PIGN: variants seen among roughly 807,000 people sequenced by gnomAD.
PIGN encodes phosphatidylinositol glycan anchor biosynthesis class N.
A neutral mutation model predicts 125.4 loss-of-function variants in PIGN; 117 were observed. That is an observed-to-expected ratio of 0.93 (90% CI 0.80 to 1.09). PIGN has a LOEUF of 1.09. Ranked by LOEUF, PIGN falls within the 50% of genes least tolerant of loss-of-function variation. PIGN has a pLI of 0.00. For missense variants in PIGN, 1,075 were observed against 1,094.9 expected, an observed-to-expected ratio of 0.98 and a Z score of 0.26; for synonymous variants, 392 against 377.8, an observed-to-expected ratio of 1.04 and a Z score of -0.44.
intron 15 of PIGN, among the ~76,000 whole-genome samples, chr18:62,114,291 G>C (rs2035000964): frequency 6.6e-6 from 1 of 152,002 alleles, no homozygotes; most frequent in Admixed American, 6.6e-5. Flanking sequence ...GAACCTGGGA[G>C]GCGGAGGTTG....
intron 23 of PIGN, among the ~76,000 whole-genome samples, chr18:62,032,202 G>A (rs927316719): frequency 1.3e-5 from 2 of 152,202 alleles, no homozygotes; most frequent in Non-Finnish European, 2.9e-5. Context: ...CACAGATGCT[G>A]GGGGCTAGGA....
Position 62,147,107 on chromosome 18 carries a change from T to G in PIGN, c.675-6A>C. 6.3e-7 allele frequency: 1 copy of G among 1,591,830 alleles called. No individual in the cohort carries two copies. The highest frequency in any genetic ancestry group is 2.2e-5 in the East Asian group (1 of 44,446). ...TAATATTGTGCTTGTAGTCTCTATT[T>G]GTAAAGAAACAGAGGAACAAATTAA... On this transcript the variant is annotated splice_region_variant and splice_polypyrimidine_tract_variant and intron_variant, in intron 8 of 30. Transcript: ENST00000640252.
At chr18:62,061,335 G>A (rs1305347429) in intron 30 of PIGN, among the ~76,000 whole-genome samples, 1 of 151,560 alleles carries the variant, frequency 6.6e-6, no homozygotes, top group Non-Finnish European at 1.5e-5. Flanking sequence ...ACAGATACAT[G>A]CCAGACTACA....
chr18:62,093,738 A>G (rs1405413704), intron 23 of PIGN, among the ~76,000 whole-genome samples: 1 of 152,108 alleles, frequency 6.6e-6, no homozygotes, highest in Admixed American at 6.6e-5. Context: ...TAATATAACT[A>G]CATTTCTTTT....
chr18:62,084,696 C>T (rs1701603843), intron 26 of PIGN, 90 bp from the exon 27 acceptor site: 6 of 836,012 alleles, frequency 7.2e-6, no homozygotes, highest in Non-Finnish European at 5.9e-6. Flanking sequence ...AACTAATTCT[C>T]TGAAATCTAC....
At chr18:62,037,521 C>T (rs980583663), downstream of PIGN, among the ~76,000 whole-genome samples, 1 of 152,330 alleles carries the variant, frequency 6.6e-6, no homozygotes, top group African/African-American at 2.4e-5. Flanking sequence ...GCAGCACAAC[C>T]ACTGCCTCTT....
rs1050778147 is a variant in PIGN, at chr18:62,068,013, A to T, written c.2672+4660T>A. Reference sequence around the variant, plus strand: ...GGGATGCCTGTCTCTGTCCTTTGTTAGGAGGAGGCTACACATGCTAGAATG... The same window carrying T: ...GGGATGCCTGTCTCTGTCCTTTGTTTGGAGGAGGCTACACATGCTAGAATG... On this transcript the variant is annotated intron_variant, in intron 30 of 30. Transcript: ENST00000640252. Among the ~76,000 whole-genome samples, 5 of 152,338 alleles carry T rather than the reference A, an allele frequency of 3.3e-5. No homozygotes were observed. In the East Asian group the frequency reaches 9.6e-4, roughly 29 times the overall value.
chr18:62,146,370 A>G (rs2036328588), intron 9 of PIGN, among the ~76,000 whole-genome samples: 1 of 152,218 alleles, frequency 6.6e-6, no homozygotes, highest in South Asian at 2.1e-4. Context: ...TCCCTTGGGC[A>G]GTAACCACCC....
intron 28 of PIGN, among the ~76,000 whole-genome samples, 176 bp downstream of exon 28, chr18:62,082,497 C>T (rs1164838050): frequency 6.6e-6 from 1 of 152,004 alleles, no homozygotes; most frequent in Non-Finnish European, 1.5e-5. Context: ...CCCTAATCAA[C>T]TAATTTCCTC....
chr18:62,036,268 T>C (rs1442630579), downstream of PIGN, among the ~76,000 whole-genome samples: 2 of 152,148 alleles, frequency 1.3e-5, no homozygotes, highest in African/African-American at 4.8e-5. Flanking sequence ...CAGTATACTT[T>C]TTTTTTTAAA....
At chr18:62,175,062 TAATA>T (rs1025949669) in intron 1 of PIGN, among the ~76,000 whole-genome samples, 9 of 113,558 alleles carry the variant, frequency 7.9e-5, no homozygotes, top group Non-Finnish European at 1.5e-4. Flanking sequence ...TTTTTATATA[TAATA>T]AATATATATA....
chr18:62,116,666 T>C (rs2035097082), intron 14 of PIGN, among the ~76,000 whole-genome samples: 1 of 152,316 alleles, frequency 6.6e-6, no homozygotes, highest in Admixed American at 6.5e-5. Context: ...TTAGCCTCCA[T>C]GTGGGCCAAG....
intron 23 of PIGN, among the ~76,000 whole-genome samples, chr18:62,025,747 C>CAT (rs1293023654): frequency 1.3e-5 from 2 of 152,174 alleles, no homozygotes; most frequent in African/African-American, 4.8e-5. Context: ...CCAAAGTACC[C>CAT]ATATTCACTC....
chr18:62,046,798 T>C (rs998754156), intron 30 of PIGN, among the ~76,000 whole-genome samples: 4 of 152,174 alleles, frequency 2.6e-5, no homozygotes, highest in African/African-American at 7.2e-5. Flanking sequence ...TTTCAACCTA[T>C]AGCTGGCTGA....
chr18:62,162,090 A>G (rs899492798), intron 3 of PIGN, among the ~76,000 whole-genome samples, 163 bp downstream of exon 3: 3 of 152,196 alleles, frequency 2.0e-5, no homozygotes, highest in Admixed American at 1.3e-4. Flanking sequence ...CCACTCAATA[A>G]AAATGTTTTG....
At position 62,146,990 on chromosome 18, in the gene PIGN, G is replaced by A. The variant is rs2036355424; in HGVS notation, c.786C>T (p.Asp262=). ...ACTAACCCCAGTCTGTCATTCCATG[G>A]TCAGAGGTAAAGATAAATGTTGTTT... ...DGKTTFIFTS[D]HGMTDWGSHG... The change falls in exon 9 of 31, where the codon GAC becomes GAT. Residue 262 remains aspartate (D), a synonymous_variant. Coordinates refer to ENST00000640252, the MANE Select transcript of PIGN (RefSeq NM_176787.5). 2 of 1,612,036 alleles carry A rather than the reference G, an allele frequency of 1.2e-6. No homozygotes were observed. The highest frequency in any genetic ancestry group is 3.3e-5 in the Admixed American group (2 of 59,922).
In PIGN at chr18:62,022,239, G is replaced by A. The variant is rs1048804677; in HGVS notation, c.2143-4498C>T. 2.0e-5 allele frequency among the ~76,000 whole-genome samples: 3 copies of A among 152,154 alleles called. No homozygotes were observed. In the East Asian group the frequency reaches 5.8e-4, roughly 29 times the overall value. On this transcript the variant is annotated intron_variant, in intron 23 of 24. Coordinates refer to the PIGN transcript ENST00000639600. ...ACACTATGGGGCAAAAATATTGGGGGCCATCTTATGATTCTGCCTGTCAAG... is the reference window on the plus strand; with the variant it reads ...ACACTATGGGGCAAAAATATTGGGGACCATCTTATGATTCTGCCTGTCAAG...
intron 6 of PIGN, 103 bp downstream of exon 6, chr18:62,157,026 T>C (rs926978909): frequency 1.9e-6 from 1 of 533,986 alleles, no homozygotes; most frequent in Non-Finnish European, 3.3e-6. Context: ...TGTAAAAATA[T>C]GTGTAAAAAT....
chr18:62,137,095 A>C (rs2035960660), intron 14 of PIGN: 1 of 398,562 alleles, frequency 2.5e-6, no homozygotes, highest in South Asian at 1.3e-4. Flanking sequence ...GGCATCATCT[A>C]ATCAGCTGCC....
Sources: gnomAD v4.1 joint callset for allele counts (sites outside exome capture counted in the v4.1 genomes callset) on GRCh38, gnomAD v4.1.1 for gene constraint, MANE v1.5 for transcripts, NCBI Gene and HGNC (gene_info 2026-07-23, HGNC 2026-07-21) for gene names.